RAB3GAP1: variants seen among roughly 807,000 people sequenced by gnomAD.
RAB3GAP1 encodes the protein RAB3 GTPase activating protein catalytic subunit 1.
Under a neutral mutation model 130.7 loss-of-function variants are expected in RAB3GAP1, and 86 were observed. The ratio of observed to expected loss-of-function variants is 0.66; its 90% CI spans 0.55 to 0.79. The LOEUF (loss-of-function observed/expected upper bound fraction) is 0.79. Ranked by LOEUF, RAB3GAP1 falls within the 30% of genes least tolerant of loss-of-function variation. RAB3GAP1 has a pLI of 0.00. For missense variants in RAB3GAP1, 1,029 were observed against 1,169.4 expected (o/e 0.88, Z 1.75); for synonymous variants, 367 against 401.7 (o/e 0.91, Z 1.03).
downstream of RAB3GAP1, among the ~76,000 whole-genome samples, chr2:135,173,864 T>TTGGA (rs1184250890): frequency 6.6e-6 from 1 of 152,018 alleles, no homozygotes; most frequent in African/African-American, 2.4e-5. Context: ...GGATGGATGG[T>TTGGA]TGGATGGATG....
intron 3 of RAB3GAP1, among the ~76,000 whole-genome samples, chr2:135,069,901 A>G (rs1283068946): frequency 6.6e-6 from 1 of 152,196 alleles, no homozygotes; most frequent in Non-Finnish European, 1.5e-5. Context: ...AAAAATTTTT[A>G]TCTGAGGAAT....
intron 11 of RAB3GAP1, among the ~76,000 whole-genome samples, chr2:135,127,180 GCTTTTT>G (rs1225857805): frequency 1.4e-5 from 2 of 148,082 alleles, no homozygotes; most frequent in Non-Finnish European, 3.0e-5. Flanking sequence ...GCCTTAAGAT[GCTTTTT>G]CTTTTTTTTT....
chr2:135,126,703 A>G (rs1428209364), intron 11 of RAB3GAP1, 47 bp downstream of exon 11: 1 of 1,481,380 alleles, frequency 6.8e-7, no homozygotes, highest in South Asian at 1.1e-5. Context: ...GATCTGCCTA[A>G]CTTCCAAATC....
At chr2:135,173,885 T>C (rs1226285366), downstream of RAB3GAP1, among the ~76,000 whole-genome samples, 1 of 152,206 alleles carries the variant, frequency 6.6e-6, no homozygotes, top group African/African-American at 2.4e-5. Flanking sequence ...GATGCCTCGA[T>C]GCCTCTATGG....
In RAB3GAP1 at chr2:135,105,444, G is replaced by C. The variant is rs565104068; in HGVS notation, c.363-7707G>C. Among the ~76,000 whole-genome samples, 1,068 of 152,140 alleles carry C rather than the reference G, an allele frequency of 7.0e-3. 10 individuals carry two copies. The highest frequency in any genetic ancestry group is 0.024 in the African/African-American group (998 of 41,484). On this transcript the variant is annotated intron_variant, in intron 5 of 23. Transcript: ENST00000264158. ...AGACGGGGTTTCACTCTGTTGGCCG[G>C]GCTGGTCTCCAGCTCCTAACCGCGA...
Position 135,153,631 on chromosome 2 carries a change from T to A in RAB3GAP1, c.2062-18T>A, listed in dbSNP as rs745891698. The A allele has an allele frequency of 6.2e-7, 1 of 1,610,674 alleles. No homozygotes were observed. On this transcript the variant is annotated intron_variant, in intron 18 of 23. Transcript: ENST00000264158. ...TGATTTTCATTTGATTCTGCTGAAT[T>A]TTTTTGTCTTATTTTAGGCAGCTAA...
intron 3 of RAB3GAP1, among the ~76,000 whole-genome samples, chr2:135,088,112 A>G (rs1029732431): frequency 6.6e-6 from 1 of 152,182 alleles, no homozygotes; most frequent in Non-Finnish European, 1.5e-5. Flanking sequence ...GTTAAGGTTG[A>G]CAATAGTACC....
chr2:135,161,003 G>A (rs1692452331), intron 19 of RAB3GAP1, among the ~76,000 whole-genome samples: 1 of 152,084 alleles, frequency 6.6e-6, no homozygotes, highest in African/African-American at 2.4e-5. Context: ...CAGGTAAAGG[G>A]GAATCACATA....
intron 11 of RAB3GAP1, among the ~76,000 whole-genome samples, chr2:135,128,056 A>G (rs570229101): frequency 6.6e-6 from 1 of 152,320 alleles, no homozygotes; most frequent in African/African-American, 2.4e-5. Flanking sequence ...CCAAAGATTT[A>G]TTATGACAGT....
chr2:135,127,314 A>T (rs534622430), intron 11 of RAB3GAP1, among the ~76,000 whole-genome samples: 4 of 143,530 alleles, frequency 2.8e-5, no homozygotes, highest in African/African-American at 7.8e-5. Context: ...GACGTGTGTT[A>T]TCTGAAGAGC....
chr2:135,075,961 A>G (rs1689622905), intron 3 of RAB3GAP1, among the ~76,000 whole-genome samples: 1 of 136,208 alleles, frequency 7.3e-6, no homozygotes, highest in East Asian at 2.1e-4. Flanking sequence ...GCCAGGCTGT[A>G]GTGCAGTGGT....
intron 17 of RAB3GAP1, among the ~76,000 whole-genome samples, chr2:135,150,121 C>T (rs1350984920): frequency 1.3e-5 from 2 of 152,152 alleles, no homozygotes; most frequent in Non-Finnish European, 2.9e-5. Context: ...CTGTCTTTTA[C>T]TATCAATCCT....
chr2:135,053,933 G>A lies in RAB3GAP1; in HGVS notation c.74+1448G>A, dbSNP rs1160799655. Among the ~76,000 whole-genome samples, 4 of 152,230 alleles carry A rather than the reference G, an allele frequency of 2.6e-5. No individual in the cohort carries two copies. The East Asian group carries it at 7.7e-4, about 29-fold the overall frequency. On this transcript the variant is annotated intron_variant, in intron 2 of 23. Transcript: ENST00000264158. ...TGGGCCTTGAAAGTGGGAAGTGGTT[G>A]GTTAAACATGAGAATGGACTGACAT...
chr2:135,106,709 G>C (rs997169718), intron 5 of RAB3GAP1, among the ~76,000 whole-genome samples: 17 of 145,338 alleles, frequency 1.2e-4, no homozygotes, highest in African/African-American at 4.4e-4. Context: ...CTATGACCCT[G>C]CCAAATCCCC....
chr2:135,131,782 A>G (rs1002457283), intron 13 of RAB3GAP1, among the ~76,000 whole-genome samples: 2 of 152,260 alleles, frequency 1.3e-5, no homozygotes, highest in Non-Finnish European at 2.9e-5. Context: ...TGAGGATTAA[A>G]GGATCTTCTG....
At chr2:135,127,583 C>G (rs1470604487) in intron 11 of RAB3GAP1, among the ~76,000 whole-genome samples, 1 of 152,052 alleles carries the variant, frequency 6.6e-6, no homozygotes, top group Non-Finnish European at 1.5e-5. Context: ...ACCTCATGAT[C>G]CGCCCGCCTC....
intron 17 of RAB3GAP1, among the ~76,000 whole-genome samples, chr2:135,139,000 A>C (rs1413383979): frequency 1.3e-5 from 2 of 152,024 alleles, no homozygotes; most frequent in African/African-American, 2.4e-5. Flanking sequence ...AGTGTTTTAG[A>C]TTGTATTTTT....
At chr2:135,112,580 C>G (rs1381339143) in intron 5 of RAB3GAP1, among the ~76,000 whole-genome samples, 1 of 152,174 alleles carries the variant, frequency 6.6e-6, no homozygotes, top group Non-Finnish European at 1.5e-5. Flanking sequence ...CCACACACCT[C>G]TCCCACCAGA....
At chr2:135,057,566 T>G (rs575136457) in intron 2 of RAB3GAP1, among the ~76,000 whole-genome samples, 49 of 152,304 alleles carry the variant, frequency 3.2e-4, no homozygotes, top group Non-Finnish European at 6.0e-4. Context: ...GGCTAATTTT[T>G]TTTGTATTTG....
Sources: gnomAD v4.1 joint callset for allele counts (sites outside exome capture counted in the v4.1 genomes callset) on GRCh38, gnomAD v4.1.1 for gene constraint, MANE v1.5 for transcripts, NCBI Gene and HGNC (gene_info 2026-07-23, HGNC 2026-07-21) for gene names.